Variants in FRAS1 observed in about 807,000 individuals in gnomAD.
The protein encoded by FRAS1 is Fraser extracellular matrix complex subunit 1.
A neutral mutation model predicts 435.2 loss-of-function variants in FRAS1; 290 were observed. The observed-to-expected ratio is 0.67, with a 90% CI of 0.61 to 0.73. FRAS1 has a LOEUF of 0.73. Ranked by LOEUF, FRAS1 falls within the 30% of genes least tolerant of loss-of-function variation. FRAS1 has a pLI of 0.00. For synonymous variants in FRAS1, 1,800 were observed against 1,851.0 expected, an observed-to-expected ratio of 0.97 and a Z score of 0.71; for missense variants, 4,860 against 5,001.5, an observed-to-expected ratio of 0.97 and a Z score of 0.85.
chr4:78,203,850 G>C (rs1034606965), intron 2 of FRAS1, among the ~76,000 whole-genome samples: 23 of 152,194 alleles, frequency 1.5e-4, no homozygotes, highest in Non-Finnish European at 3.1e-4. Context: ...TTACAGGCGT[G>C]AGCCACCACA....
intron 2 of FRAS1, among the ~76,000 whole-genome samples, chr4:78,131,561 T>C (rs1317023165): frequency 6.6e-6 from 1 of 152,226 alleles, no homozygotes; most frequent in African/African-American, 2.4e-5. Flanking sequence ...GTCTTCATAA[T>C]AAAAGCAGCG....
chr4:78,301,581 A>C lies in FRAS1; in HGVS notation c.1535-6485A>C, dbSNP rs77396051. ...TAGGACTGGGTCCTCAGAAGGTTGA[A>C]TCTGGGACTAGAGTCCAGGGAATCC... On this transcript the variant is annotated intron_variant, in intron 14 of 73. Transcript: ENST00000512123. Among the ~76,000 whole-genome samples the C allele has an allele frequency of 6.6e-5, 10 of 152,310 alleles. No individual in the cohort carries two copies. In the East Asian group the frequency reaches 1.5e-3, roughly 24 times the overall value.
chr4:78,303,715 G>C (rs1728547129), intron 14 of FRAS1, among the ~76,000 whole-genome samples: 1 of 152,120 alleles, frequency 6.6e-6, no homozygotes, highest in African/African-American at 2.4e-5. Flanking sequence ...TGTATCCTGA[G>C]ACTTTGCTGA....
At chr4:78,521,488 A>G in intron 67 of FRAS1, 35 bp from the exon 68 acceptor site, 2 of 1,514,676 alleles carry the variant, frequency 1.3e-6, no homozygotes, top group Non-Finnish European at 1.8e-6. Context: ...GGAATTTTCC[A>G]TGCCCTAGCA....
chr4:78,260,377 A>C (rs1265602832), intron 6 of FRAS1, among the ~76,000 whole-genome samples: 12 of 152,064 alleles, frequency 7.9e-5, no homozygotes, highest in South Asian at 2.1e-4. Context: ...CTTTTATTTC[A>C]TCGATCAGTG....
In FRAS1 at chr4:78,057,384, G is replaced by A. The variant is rs931862245; in HGVS notation, c.-626G>A. ...AGCGCAGCCTGAGGCGGTGTGGTGC[G>A]GTGCGGCTGCAGGGCGGGCGAGTCC... On this transcript the variant is annotated 5_prime_UTR_variant, in exon 1 of 74. Transcript: ENST00000512123. This position sits in a 1 kb window ranked among gnomAD's most constrained non-coding sequence, Gnocchi z 4.2. 6.6e-6 allele frequency among the ~76,000 whole-genome samples: 1 copy of A among 152,142 alleles called. No homozygotes were observed. The highest frequency in any genetic ancestry group is 1.9e-4 in the East Asian group (1 of 5,172).
intron 26 of FRAS1, among the ~76,000 whole-genome samples, chr4:78,376,620 T>C (rs1731774691): frequency 6.6e-6 from 1 of 152,112 alleles, no homozygotes; most frequent in Non-Finnish European, 1.5e-5. Flanking sequence ...AAATAACAAA[T>C]AGTATGAGGA....
chr4:78,134,863 C>T (rs2109988673), intron 2 of FRAS1, among the ~76,000 whole-genome samples: 1 of 152,320 alleles, frequency 6.6e-6, no homozygotes, highest in East Asian at 1.9e-4. Flanking sequence ...AAACTACTTA[C>T]TGGCAGCCAT....
intron 58 of FRAS1, among the ~76,000 whole-genome samples, chr4:78,485,484 A>G (rs1720142625): frequency 1.3e-5 from 2 of 152,208 alleles, no homozygotes; most frequent in Admixed American, 1.3e-4. Flanking sequence ...CAGAGAAGCT[A>G]CAGCAATATG....
chr4:78,446,072 A>G lies in FRAS1; in HGVS notation c.5856+360A>G, dbSNP rs984254009. On this transcript the variant is annotated intron_variant, in intron 42 of 73. Coordinates refer to ENST00000512123, the MANE Select transcript of FRAS1 (RefSeq NM_025074.7). The stretch of plus-strand genomic sequence containing the variant: ...ATGCATATTTGCCTTTTCTTATTTT[A>G]CTGCATTTATTTATTTAATTGTAAC... 2.7e-6 allele frequency: 3 copies of G among 1,126,894 alleles called. No individual in the cohort carries two copies. The African/African-American group carries it at 4.8e-5, about 18-fold the overall frequency. The allele number at this position is 1,126,894 out of a possible 1,614,324, so 69.8% of individuals were successfully genotyped here.
intron 2 of FRAS1, among the ~76,000 whole-genome samples, chr4:78,194,072 T>C (rs1389000165): frequency 6.6e-6 from 1 of 152,240 alleles, no homozygotes; most frequent in Non-Finnish European, 1.5e-5. Context: ...TTGGAAATTC[T>C]TTTCTTTAAG....
intron 2 of FRAS1, among the ~76,000 whole-genome samples, chr4:78,209,948 T>C (rs1415237848): frequency 1.3e-5 from 2 of 152,152 alleles, no homozygotes; most frequent in Admixed American, 1.3e-4. Context: ...GTTCCTGCGG[T>C]TCTCAGGCTG....
chr4:78,250,809 G>A (rs72864521), intron 4 of FRAS1, among the ~76,000 whole-genome samples: 2,410 of 152,240 alleles, frequency 0.016, 38 homozygotes, highest in East Asian at 0.042. Flanking sequence ...TACCATGAAT[G>A]TTAAAGTCTT....
chr4:78,233,951 G>A (rs982432547), intron 2 of FRAS1, among the ~76,000 whole-genome samples: 9 of 152,212 alleles, frequency 5.9e-5, no homozygotes, highest in Non-Finnish European at 1.3e-4. Flanking sequence ...ATTGACTACA[G>A]ATACTTTCTC....
At chr4:78,147,190 T>C (rs1176874516) in intron 2 of FRAS1, among the ~76,000 whole-genome samples, 1 of 152,186 alleles carries the variant, frequency 6.6e-6, no homozygotes, top group Non-Finnish European at 1.5e-5. Context: ...TCCCTAATTT[T>C]AGTGGAGCCA....
intron 48 of FRAS1, 76 bp downstream of exon 48, chr4:78,464,221 G>T: frequency 6.6e-7 from 1 of 1,516,876 alleles, no homozygotes; most frequent in South Asian, 1.3e-5. Flanking sequence ...TAGGCAGAGT[G>T]ACTGGTGAGA....
chr4:78,476,138 T>G (rs1398700427), intron 54 of FRAS1, among the ~76,000 whole-genome samples: 1 of 152,256 alleles, frequency 6.6e-6, no homozygotes, highest in Non-Finnish European at 1.5e-5. Context: ...TGATGATGCC[T>G]CTTGCTAGGA....
intron 6 of FRAS1, among the ~76,000 whole-genome samples, chr4:78,256,458 T>C (rs1725800533): frequency 6.6e-6 from 1 of 152,000 alleles, no homozygotes; most frequent in Admixed American, 6.6e-5. Flanking sequence ...TCCCTTGGGG[T>C]AGGAAGGATA....
Position 78,318,948 on chromosome 4 carries a change from G to A in FRAS1, c.2099G>A (p.Arg700Lys). The change falls in exon 18 of 74, where the codon AGA becomes AAA. Residue 700 changes from arginine (R) to lysine (K), a missense_variant. Coordinates refer to ENST00000512123, the MANE Select transcript of FRAS1 (RefSeq NM_025074.7). ...TCTGGCGAGTGTCTAGCCCAGTGTA[G>A]AGCCCATTTTTACTTGGAGAGCACT... is the stretch of plus-strand genomic sequence containing the variant. ...IPSGECLAQC[R>K]AHFYLESTGI... 3.7e-6 allele frequency: 6 copies of A among 1,613,996 alleles called. No homozygotes were observed. The highest frequency in any genetic ancestry group is 5.1e-6 in the Non-Finnish European group (6 of 1,179,886).
Sources: gnomAD v4.1 joint callset for allele counts (sites outside exome capture counted in the v4.1 genomes callset) on GRCh38, gnomAD v4.1.1 for gene constraint, Gnocchi (gnomAD v3.1) non-coding constraint, MANE v1.5 for transcripts, NCBI Gene and HGNC (gene_info 2026-07-23, HGNC 2026-07-21) for gene names.